CNPY3: variants seen among roughly 807,000 people sequenced by gnomAD.
CNPY3 encodes the protein canopy FGF signaling regulator 3.
Under a neutral mutation model 32.0 loss-of-function variants are expected in CNPY3, and 20 were observed. The observed-to-expected ratio is 0.63, with a 90% CI of 0.44 to 0.91. The LOEUF is 0.91. Ranked by LOEUF, CNPY3 falls within the 40% of genes least tolerant of loss-of-function variation. CNPY3 has a pLI of 0.00. For missense variants in CNPY3, 299 were observed against 340.8 expected (o/e 0.88, Z 0.97); for synonymous variants, 138 against 142.9 (o/e 0.97, Z 0.24).
At chr6:42,935,694 T>C (rs1488320225) in intron 3 of CNPY3, 24 bp downstream of exon 3, 1 of 1,602,120 alleles carries the variant, frequency 6.2e-7, no homozygotes, top group Non-Finnish European at 8.5e-7. Context: ...TTGTCCTTCA[T>C]CCGCTCTGGG....
intron 3 of CNPY3, among the ~76,000 whole-genome samples, chr6:42,936,335 A>G (rs905071431): frequency 2.0e-5 from 3 of 152,248 alleles, no homozygotes; most frequent in African/African-American, 4.8e-5. Context: ...TTTTGCACTC[A>G]GTAATAAATC....
intron 1 of CNPY3, among the ~76,000 whole-genome samples, chr6:42,929,945 AT>A (rs570022179): frequency 2.0e-5 from 3 of 151,522 alleles, no homozygotes; most frequent in Non-Finnish European, 4.4e-5. Context: ...AGAGTAGTAG[AT>A]GCCATGATAG....
intron 3 of CNPY3, among the ~76,000 whole-genome samples, 189 bp downstream of exon 3, chr6:42,935,859 G>A (rs1688717245): frequency 6.6e-6 from 1 of 152,062 alleles, no homozygotes; most frequent in African/African-American, 2.4e-5. Context: ...CATGCATGAG[G>A]GTCTGGGCCT....
At chr6:42,928,158 T>C (rs908671375), upstream of CNPY3, among the ~76,000 whole-genome samples, 4 of 151,852 alleles carry the variant, frequency 2.6e-5, no homozygotes, top group African/African-American at 7.3e-5. Flanking sequence ...CGGCTAACTT[T>C]TTGTATCTTT....
chr6:42,937,246 G>C (rs1464582385), intron 3 of CNPY3, among the ~76,000 whole-genome samples: 2 of 152,170 alleles, frequency 1.3e-5, no homozygotes, highest in Non-Finnish European at 2.9e-5. Context: ...TGCAGAGGCA[G>C]ATCAGGGGGT....
rs1010650496 is a variant in CNPY3, at chr6:42,929,660, G to C, written c.90G>C (p.Leu30=). ...TGCTGCTGCTGCCGGCCCCGGAGCT[G>C]GGCCCGAGCCAGGCCGGAGCTGAGG... ...LLLLLLPAPE[L]GPSQAGAEEN... is the part of the protein sequence containing the mutation. The change falls in exon 1 of 6, where the codon CTG becomes CTC. Residue 30 remains leucine, a synonymous_variant. Transcript: ENST00000372836. 4 of 1,553,178 alleles carry C rather than the reference G, an allele frequency of 2.6e-6. No homozygotes were observed. The highest frequency in any genetic ancestry group is 3.5e-6 in the Non-Finnish European group (4 of 1,148,836).
chr6:42,931,398 G>T (rs1445001624), intron 1 of CNPY3, among the ~76,000 whole-genome samples: 1 of 148,674 alleles, frequency 6.7e-6, no homozygotes, highest in Non-Finnish European at 1.5e-5. Flanking sequence ...TTTTGAGACG[G>T]AGTCTTGCTC....
intron 3 of CNPY3, 92 bp from the exon 4 acceptor site, chr6:42,937,625 G>A: frequency 7.3e-7 from 1 of 1,375,444 alleles, no homozygotes; most frequent in Non-Finnish European, 1.0e-6. Flanking sequence ...TTGAGCATTG[G>A]TCTTATAGCT....
In CNPY3 at chr6:42,937,845, G is replaced by A; in HGVS notation, c.495+6G>A. ...TGGCTGACCTCAAGAAGCAGGTACAGGCCCTTCAGCCCTTGGAAGGGTTGC... is the reference window on the plus strand; with the variant it reads ...TGGCTGACCTCAAGAAGCAGGTACAAGCCCTTCAGCCCTTGGAAGGGTTGC... On this transcript the variant is annotated splice_donor_region_variant and intron_variant, in intron 4 of 5. Transcript: ENST00000372836. 6.2e-7 allele frequency: 1 copy of A among 1,614,100 alleles called. No homozygotes were observed. The highest frequency in any genetic ancestry group is 8.5e-7 in the Non-Finnish European group (1 of 1,180,000).
At position 42,929,591 on chromosome 6, in the gene CNPY3, C is replaced by G; in HGVS notation, c.21C>G (p.Pro7=). 6.3e-7 allele frequency: 1 copy of G among 1,574,912 alleles called. No individual in the cohort carries two copies. The highest frequency in any genetic ancestry group is 8.6e-7 in the Non-Finnish European group (1 of 1,160,948). MDSMPE[P]ASRCLLLLPL... ...GGGCCATGGATTCAATGCCTGAGCC[C>G]GCGTCCCGCTGTCTTCTGCTTCTTC... The change falls in exon 1 of 6, where the codon CCC becomes CCG. Residue 7 remains proline (P), a synonymous_variant. Coordinates refer to ENST00000372836, the MANE Select transcript of CNPY3 (RefSeq NM_006586.5).
intron 2 of CNPY3, 172 bp from the exon 3 acceptor site, chr6:42,935,402 T>C (rs918703474): frequency 2.0e-6 from 2 of 985,198 alleles, no homozygotes; most frequent in Non-Finnish European, 2.4e-6. Context: ...CTCTCTGGTC[T>C]GTGTTCCAGC....
At chr6:42,933,371 C>T (rs1767971413) in intron 1 of CNPY3, among the ~76,000 whole-genome samples, 1 of 152,130 alleles carries the variant, frequency 6.6e-6, no homozygotes, top group African/African-American at 2.4e-5. Flanking sequence ...TCTGTATCCC[C>T]AGGCTGACAC....
At position 42,934,521 on chromosome 6, in the gene CNPY3, C is replaced by T. The variant is rs749111912; in HGVS notation, c.198C>T (p.Thr66=). ...AVELKSAFEE[T]GKTKEVIGTG... ...AGCTGAAGTCAGCCTTTGAGGAAACCGGCAAGACCAAGGAGGTGATTGGCA... is the reference window on the plus strand; with the variant it reads ...AGCTGAAGTCAGCCTTTGAGGAAACTGGCAAGACCAAGGAGGTGATTGGCA... The change falls in exon 2 of 6, where the codon ACC becomes ACT. Residue 66 remains threonine, a synonymous_variant. Coordinates refer to ENST00000372836, the MANE Select transcript of CNPY3 (RefSeq NM_006586.5). The T allele has an allele frequency of 3.4e-5, 55 of 1,614,062 alleles. No homozygotes were observed. In the East Asian group the frequency reaches 4.9e-4, roughly 14 times the overall value.
intron 1 of CNPY3, 84 bp from the exon 2 acceptor site, chr6:42,934,391 G>C (rs1407193888): frequency 6.4e-7 from 1 of 1,559,334 alleles, no homozygotes; most frequent in Non-Finnish European, 8.8e-7. Flanking sequence ...AGGAAAGGAT[G>C]CCCACCTGGA....
Position 42,938,225 on chromosome 6 carries a change from AG to A in CNPY3, c.613+21del. On this transcript the variant is annotated intron_variant, in intron 5 of 5. Transcript: ENST00000372836. ...AGACACCAGTGAGTTTGGGGAAGCA[AG>A]GGCAGGCTGGCTCTGGATGATTTGT... 1.3e-6 allele frequency: 2 copies of A among 1,581,336 alleles called. No homozygotes were observed. Among genetic ancestry groups the A allele is most frequent in the Non-Finnish European group, 1.7e-6 (2 of 1,150,446 alleles).
chr6:42,932,322 T>C (rs978669991), intron 1 of CNPY3, among the ~76,000 whole-genome samples: 2 of 152,242 alleles, frequency 1.3e-5, no homozygotes, highest in African/African-American at 4.8e-5. Context: ...TGTTATTAAA[T>C]GCTGACTGTG....
intron 1 of CNPY3, among the ~76,000 whole-genome samples, chr6:42,930,137 A>G (rs926773550): frequency 6.6e-6 from 1 of 152,146 alleles, no homozygotes. Context: ...GGGCCCACTC[A>G]GGAAACTACA....
chr6:42,938,332 C>A, intron 5 of CNPY3, 125 bp downstream of exon 5: 1 of 850,842 alleles, frequency 1.2e-6, no homozygotes, highest in Non-Finnish European at 2.0e-6. Flanking sequence ...CCTTGAAAGG[C>A]TTGATTGGCA....
At chr6:42,932,437 T>G (rs2114159709) in intron 1 of CNPY3, among the ~76,000 whole-genome samples, 1 of 152,030 alleles carries the variant, frequency 6.6e-6, no homozygotes, top group South Asian at 2.1e-4. Context: ...TGGATGTCAG[T>G]GAGGGTCTGG....
Sources: allele counts gnomAD v4.1 joint callset (sites outside exome capture counted in the v4.1 genomes callset), GRCh38; gene constraint gnomAD v4.1.1; transcripts MANE v1.5; gene names NCBI Gene and HGNC (gene_info 2026-07-23, HGNC 2026-07-21).